Variants in CSNK1E observed in about 807,000 individuals in gnomAD.
The protein encoded by CSNK1E is casein kinase 1 epsilon.
Under a neutral mutation model 46.1 loss-of-function variants are expected in CSNK1E, and 17 were observed. The ratio of observed to expected loss-of-function variants is 0.37; its 90% CI spans 0.25 to 0.55. The LOEUF (loss-of-function observed/expected upper bound fraction) is 0.55, where lower values mean the gene tolerates loss of function less well. CSNK1E is among the 20% of genes least tolerant of loss of function. The probability of loss-of-function intolerance (pLI) is 0.82; values close to 1 mark genes in which losing one functional copy is unlikely to be tolerated. For missense variants in CSNK1E, 386 were observed against 595.4 expected (o/e 0.65, Z 3.66); for synonymous variants, 241 against 242.6 (o/e 0.99, Z 0.06).
Position 38,291,529 on chromosome 22 carries a change from A to G in CSNK1E, c.*442T>C, listed in dbSNP as rs1278964553. 6.6e-6 allele frequency: 1 copy of G among 151,470 alleles called. No homozygotes were observed. The highest frequency in any genetic ancestry group is 2.4e-5 in the African/African-American group (1 of 41,092). The allele number at this position is 151,470 out of a possible 1,614,324, so 9.4% of individuals were successfully genotyped here. On this transcript the variant is annotated 3_prime_UTR_variant, in exon 11 of 11. Transcript: ENST00000396832. Reference sequence around the variant, plus strand: ...TCTCCTGGATTCTGAGGCTCGGAAAACTCGGTGGGAACTGCCTTCAACTGA... The same window carrying G: ...TCTCCTGGATTCTGAGGCTCGGAAAGCTCGGTGGGAACTGCCTTCAACTGA...
chr22:38,298,436 C>T lies in CSNK1E; in HGVS notation c.885+350G>A, dbSNP rs2092652648. 5.4e-6 allele frequency: 2 copies of T among 370,936 alleles called. No homozygotes were observed. Among genetic ancestry groups the T allele is most frequent in the South Asian group, 4.2e-5 (2 of 47,830 alleles). The allele number at this position is 370,936 out of a possible 1,614,324, so 23.0% of individuals were successfully genotyped here. ...GGTGCAGGTAGCCACCTGGGATGTG[C>T]AGAACAGGAGCAGCAGGACGGTGTA... On this transcript the variant is annotated intron_variant, in intron 7 of 10. Coordinates refer to ENST00000396832, the MANE Select transcript of CSNK1E (RefSeq NM_152221.3). The surrounding 1 kb of genome is among the most constrained non-coding windows in gnomAD (Gnocchi z 4.2).
At chr22:38,293,904 G>C in intron 9 of CSNK1E, 1 of 622,688 alleles carries the variant, frequency 1.6e-6, no homozygotes, top group Non-Finnish European at 2.7e-6. Context: ...TTACTGCCCT[G>C]AGCCTTGGTG....
chr22:38,306,835 TG>T (rs1348906401), intron 2 of CSNK1E, among the ~76,000 whole-genome samples: 1 of 152,100 alleles, frequency 6.6e-6, no homozygotes, highest in Non-Finnish European at 1.5e-5. Flanking sequence ...GATTCAACCA[TG>T]GATCAAAAAT....
In CSNK1E at chr22:38,302,962, CGTT is replaced by C; in HGVS notation, c.232_234del (p.Asn78del). The C allele has an allele frequency of 6.2e-7, 1 of 1,614,128 alleles. No homozygotes were observed. Among genetic ancestry groups the C allele is most frequent in the Non-Finnish European group, 8.5e-7 (1 of 1,180,022 alleles). Reference sequence around the variant, plus strand: ...GGCCCCAGCAGCTCCATGACCATCACGTTGTAGTCGCCCTCAGCTCCGCACCAC... The same window carrying C: ...GGCCCCAGCAGCTCCATGACCATCACGTAGTCGCCCTCAGCTCCGCACCAC... On this transcript the variant is annotated inframe_deletion, in exon 4 of 11. Coordinates refer to ENST00000396832, the MANE Select transcript of CSNK1E (RefSeq NM_152221.3).
chr22:38,293,135 T>A, intron 10 of CSNK1E, 120 bp downstream of exon 10: 1 of 823,190 alleles, frequency 1.2e-6, no homozygotes, highest in East Asian at 2.4e-5. Flanking sequence ...CTGGGGCGCC[T>A]GGTACCATCT....
intron 1 of CSNK1E, among the ~76,000 whole-genome samples, chr22:38,315,636 A>AG (rs933675986): frequency 1.3e-4 from 16 of 123,420 alleles, no homozygotes; most frequent in African/African-American, 3.5e-4. Flanking sequence ...TTGGGGGGTA[A>AG]GGGGGGGTGT....
At position 38,293,302 on chromosome 22, in the gene CSNK1E, G is replaced by A. The variant is rs775203471; in HGVS notation, c.1236C>T (p.Asp412=). The change falls in exon 10 of 11, where the codon GAC becomes GAT. Residue 412 remains aspartate, a synonymous_variant. Transcript: ENST00000396832. ...IPASQTSVPF[D]HLGK ...GGGGCTCTCCTCACTTCCCGAGATG[G>A]TCAAATGGCACACTTGTCTTTTGAG... The A allele has an allele frequency of 2.5e-6, 4 of 1,612,034 alleles. No individual in the cohort carries two copies. The highest frequency in any genetic ancestry group is 1.3e-5 in the African/African-American group (1 of 74,920).
At chr22:38,293,641 C>T (rs1236442095) in intron 9 of CSNK1E, among the ~76,000 whole-genome samples, 1 of 152,160 alleles carries the variant, frequency 6.6e-6, no homozygotes, top group Non-Finnish European at 1.5e-5. Flanking sequence ...CTCCCACCCA[C>T]CTCTGCCAGG....
chr22:38,302,472 C>T (rs565768091), intron 4 of CSNK1E, among the ~76,000 whole-genome samples: 5 of 152,298 alleles, frequency 3.3e-5, no homozygotes, highest in South Asian at 2.1e-4. Context: ...TGGCTGGGCA[C>T]GGTGGCTCAC....
At chr22:38,293,646 G>C (rs117830061) in intron 9 of CSNK1E, among the ~76,000 whole-genome samples, 2,801 of 152,190 alleles carry the variant, frequency 0.018, 51 homozygotes, top group Non-Finnish European at 0.031. Context: ...ACCCACCTCT[G>C]CCAGGCCACC....
At chr22:38,304,173 T>A (rs1329765471) in intron 2 of CSNK1E, among the ~76,000 whole-genome samples, 1 of 150,562 alleles carries the variant, frequency 6.6e-6, no homozygotes, top group Non-Finnish European at 1.5e-5. Context: ...GCAGGAGGAG[T>A]AGGACAGTGT....
At chr22:38,316,360 T>TG (rs1445236927) in intron 1 of CSNK1E, among the ~76,000 whole-genome samples, 1 of 152,102 alleles carries the variant, frequency 6.6e-6, no homozygotes, top group East Asian at 1.9e-4. Context: ...TTGAGACACT[T>TG]GTGTCCCCTT....
In CSNK1E at chr22:38,291,050, G is replaced by GT. The variant is rs1177890308; in HGVS notation, c.*920dup. ...GAACCAGGGAGAGGGGGGACCCCAG[G>GT]TGACTGTCAGGACCAGGGAAGTAAT... On this transcript the variant is annotated 3_prime_UTR_variant, in exon 11 of 11. Coordinates refer to ENST00000396832, the MANE Select transcript of CSNK1E (RefSeq NM_152221.3). 6.6e-6 allele frequency: 1 copy of GT among 152,304 alleles called. No individual in the cohort carries two copies. The highest frequency in any genetic ancestry group is 2.4e-5 in the African/African-American group (1 of 41,458). 9.4% of individuals were successfully genotyped at this position (152,304 alleles called of 1,614,324 possible).
intron 7 of CSNK1E, chr22:38,295,306 G>T: frequency 1.9e-6 from 1 of 513,454 alleles, no homozygotes; most frequent in Non-Finnish European, 2.5e-6. Flanking sequence ...CTGCTGTCCA[G>T]CCACTGCCGC....
At chr22:38,313,619 C>G (rs531234790) in intron 2 of CSNK1E, among the ~76,000 whole-genome samples, 175 of 152,328 alleles carry the variant, frequency 1.1e-3, no homozygotes, top group Middle Eastern at 3.4e-3. Context: ...CCCGAGGTTA[C>G]AGGGGAGCCT....
At position 38,309,668 on chromosome 22, in the gene CSNK1E, T is replaced by C. The variant is rs957222882; in HGVS notation, c.76+4414A>G. Among the ~76,000 whole-genome samples the C allele has an allele frequency of 1.3e-5, 2 of 152,182 alleles. No homozygotes were observed. Among genetic ancestry groups the C allele is most frequent in the African/African-American group, 4.8e-5 (2 of 41,448 alleles). ...TGGGGTTTCACCATGTTGGCCGGGC[T>C]GGTCTCAAACTCCTGACCTCAAATG... On this transcript the variant is annotated intron_variant, in intron 2 of 10. Transcript: ENST00000396832. The surrounding 1 kb of genome is among the most constrained non-coding windows in gnomAD (Gnocchi z 4.8).
rs762304485 is a variant in CSNK1E at position 38,300,705 on chromosome 22, C to G, written c.565+19G>C. ...CCAGTGGCCCCGGGTGCACACTGCT[C>G]CAGGCCTGGCTCCCTCACCAATGCC... On this transcript the variant is annotated intron_variant, in intron 5 of 10. Transcript: ENST00000396832. This position sits in a 1 kb window ranked among gnomAD's most constrained non-coding sequence, Gnocchi z 4.4. 4 of 1,612,270 alleles carry G rather than the reference C, an allele frequency of 2.5e-6. No homozygotes were observed. In the South Asian group the frequency reaches 4.4e-5, roughly 18 times the overall value.
At chr22:38,305,064 G>A (rs909758526) in intron 2 of CSNK1E, among the ~76,000 whole-genome samples, 1 of 137,790 alleles carries the variant, frequency 7.3e-6, no homozygotes, top group Non-Finnish European at 1.5e-5. Flanking sequence ...GGAGGTTGCA[G>A]TGAGCCGAGA....
Position 38,303,863 on chromosome 22 carries a change from C to T in CSNK1E, c.77-615G>A, listed in dbSNP as rs1158438913. On this transcript the variant is annotated intron_variant, in intron 2 of 10. Coordinates refer to ENST00000396832, the MANE Select transcript of CSNK1E (RefSeq NM_152221.3). The surrounding 1 kb of genome is among the most constrained non-coding windows in gnomAD (Gnocchi z 4.7). ...TCAAGGTCACCTGACCTGTAAATGGCGGCCTTGAGATCAACCCCGGCTCTG... is the reference window on the plus strand; with the variant it reads ...TCAAGGTCACCTGACCTGTAAATGGTGGCCTTGAGATCAACCCCGGCTCTG... 2.0e-5 allele frequency among the ~76,000 whole-genome samples: 3 copies of T among 152,170 alleles called. No homozygotes were observed. Among genetic ancestry groups the T allele is most frequent in the Admixed American group, 6.5e-5 (1 of 15,280 alleles).
Sources: gnomAD v4.1 joint callset for allele counts (sites outside exome capture counted in the v4.1 genomes callset) on GRCh38, gnomAD v4.1.1 for gene constraint, Gnocchi (gnomAD v3.1) non-coding constraint, MANE v1.5 for transcripts, NCBI Gene and HGNC (gene_info 2026-07-23, HGNC 2026-07-21) for gene names.